Variants in TENM4 observed in about 807,000 individuals in gnomAD.
TENM4 encodes teneurin-4.
Under a neutral mutation model 243.3 loss-of-function variants are expected in TENM4, and 82 were observed. The ratio of observed to expected loss-of-function variants is 0.34; its 90% CI spans 0.28 to 0.40. The LOEUF is 0.40. Among genes scored for constraint, TENM4 ranks in the 10% least tolerant of loss-of-function variants. The pLI is 1.00. For synonymous variants in TENM4, 1,412 were observed against 1,456.3 expected (o/e 0.97, Z 0.69); for missense variants, 3,138 against 3,673.3 (o/e 0.85, Z 3.77).
chr11:78,874,541 C>T (rs368701668), intron 9 of TENM4, among the ~76,000 whole-genome samples: 3 of 152,256 alleles, frequency 2.0e-5, no homozygotes, highest in South Asian at 4.1e-4. Context: ...TACTGCACTA[C>T]AGAAAAGTCA....
intron 18 of TENM4, among the ~76,000 whole-genome samples, chr11:78,763,738 T>A (rs1055507945): frequency 6.6e-6 from 1 of 152,230 alleles, no homozygotes; most frequent in African/African-American, 2.4e-5. Context: ...ACACCCTTCC[T>A]ATGCCCGAGA....
At chr11:79,003,969 C>T (rs1016079712) in intron 6 of TENM4, among the ~76,000 whole-genome samples, 1 of 146,938 alleles carries the variant, frequency 6.8e-6, no homozygotes, top group African/African-American at 2.5e-5. Flanking sequence ...AACAGAAAAA[C>T]ACAGGGGTTG....
intron 14 of TENM4, among the ~76,000 whole-genome samples, chr11:78,810,754 A>G (rs78360143): frequency 0.012 from 1,816 of 152,206 alleles, 33 homozygotes; most frequent in African/African-American, 0.04. Context: ...GGGCCTGTTA[A>G]TGTTCTGTTT....
Position 78,673,293 on chromosome 11 carries a change from T to C in TENM4, c.5497-964A>G, listed in dbSNP as rs560914157. Reference sequence around the variant, plus strand: ...GTAGGCATTGGTGGCCCCTGAAATATTGCCAGGTATTCTGGAACTAAAATA... The same window carrying C: ...GTAGGCATTGGTGGCCCCTGAAATACTGCCAGGTATTCTGGAACTAAAATA... On this transcript the variant is annotated intron_variant, in intron 30 of 33. Transcript: ENST00000278550. 2.6e-5 allele frequency among the ~76,000 whole-genome samples: 4 copies of C among 152,320 alleles called. No individual in the cohort carries two copies. The East Asian group carries it at 7.7e-4, about 29-fold the overall frequency.
intron 30 of TENM4, among the ~76,000 whole-genome samples, chr11:78,674,084 G>A (rs1858404329): frequency 6.6e-6 from 1 of 152,194 alleles, no homozygotes; most frequent in Non-Finnish European, 1.5e-5. Flanking sequence ...CCTCAGGGTG[G>A]TGCCACCCAG....
intron 6 of TENM4, among the ~76,000 whole-genome samples, chr11:79,000,862 C>A (rs1166495681): frequency 6.6e-6 from 1 of 152,140 alleles, no homozygotes; most frequent in African/African-American, 2.4e-5. Context: ...AAAACCTTGT[C>A]TCTACTAAAA....
intron 1 of TENM4, among the ~76,000 whole-genome samples, chr11:79,372,691 G>A (rs1197022452): frequency 6.6e-6 from 1 of 152,200 alleles, no homozygotes; most frequent in East Asian, 1.9e-4. Flanking sequence ...TGTGAAATGG[G>A]AGGGGAGGGG....
intron 3 of TENM4, among the ~76,000 whole-genome samples, chr11:79,212,430 CT>C (rs1423258333): frequency 6.6e-6 from 1 of 152,166 alleles, no homozygotes; most frequent in African/African-American, 2.4e-5. Flanking sequence ...CTCCTCTTCC[CT>C]TTTTTGTCCC....
intron 2 of TENM4, among the ~76,000 whole-genome samples, chr11:79,237,933 T>A (rs1379247082): frequency 6.6e-6 from 1 of 152,112 alleles, no homozygotes; most frequent in Non-Finnish European, 1.5e-5. Context: ...CCTGTCCAGA[T>A]GTACAAAGAG....
chr11:79,411,861 A>G (rs1858707951), intron 1 of TENM4, among the ~76,000 whole-genome samples: 1 of 152,200 alleles, frequency 6.6e-6, no homozygotes, highest in African/African-American at 2.4e-5. Context: ...AGCTCTGTCA[A>G]TGTGTGAAGA....
At position 78,766,813 on chromosome 11, in the gene TENM4, G is replaced by A. The variant is rs1340924849; in HGVS notation, c.2539+4179C>T. On this transcript the variant is annotated intron_variant, in intron 18 of 33. Coordinates refer to ENST00000278550, the MANE Select transcript of TENM4 (RefSeq NM_001098816.3). ...CGCCTCCCAAATTAAAGTGATTCTCGTGCCTCAGCCTCCTAGGTAGCTGGG... is the reference window on the plus strand; with the variant it reads ...CGCCTCCCAAATTAAAGTGATTCTCATGCCTCAGCCTCCTAGGTAGCTGGG... 4.7e-5 allele frequency among the ~76,000 whole-genome samples: 7 copies of A among 149,586 alleles called. No homozygotes were observed. The South Asian group carries it at 6.3e-4, about 13-fold the overall frequency.
At chr11:79,141,727 G>A (rs758303333) in intron 4 of TENM4, among the ~76,000 whole-genome samples, 10 of 151,832 alleles carry the variant, frequency 6.6e-5, no homozygotes, top group Non-Finnish European at 1.3e-4. Context: ...AGGCCAATAT[G>A]ATTGATGAAC....
rs544676038 is a variant in TENM4 at position 79,310,650 on chromosome 11, C to G, written c.-320-13107G>C. Among the ~76,000 whole-genome samples, 240 of 152,252 alleles carry G rather than the reference C, an allele frequency of 1.6e-3. 1 individual carries two copies. Among genetic ancestry groups the G allele is most frequent in the South Asian group, 1.9e-3 (9 of 4,808 alleles). ...TTGCCCTGTAGTTAACAACGGGCAGCTTTCATCCTGCCTGTTCTAGACCAT... is the reference window on the plus strand; with the variant it reads ...TTGCCCTGTAGTTAACAACGGGCAGGTTTCATCCTGCCTGTTCTAGACCAT... On this transcript the variant is annotated intron_variant, in intron 1 of 33. Transcript: ENST00000278550.
intron 3 of TENM4, among the ~76,000 whole-genome samples, chr11:79,172,797 C>T (rs1454318742): frequency 6.6e-6 from 1 of 151,930 alleles, no homozygotes; most frequent in African/African-American, 2.4e-5. Flanking sequence ...CACCACCACG[C>T]CCAGCTAAAT....
chr11:79,338,864 C>G (rs73512774), intron 1 of TENM4, among the ~76,000 whole-genome samples: 1 of 152,166 alleles, frequency 6.6e-6, no homozygotes, highest in East Asian at 1.9e-4. Context: ...TGCCATCCAG[C>G]TGAGAGTAAT....
At chr11:79,326,562 G>T (rs1856979040) in intron 1 of TENM4, among the ~76,000 whole-genome samples, 1 of 152,124 alleles carries the variant, frequency 6.6e-6, no homozygotes, top group African/African-American at 2.4e-5. Flanking sequence ...TCACTTTCTT[G>T]TATCCTTCCA....
chr11:78,666,840 T>C (rs1359257840), intron 32 of TENM4, among the ~76,000 whole-genome samples: 1 of 152,190 alleles, frequency 6.6e-6, no homozygotes, highest in Admixed American at 6.5e-5. Flanking sequence ...AAGTGCCAGA[T>C]AGCATAGAGA....
At chr11:78,855,588 T>C (rs118039412) in intron 11 of TENM4, among the ~76,000 whole-genome samples, 2,291 of 152,344 alleles carry the variant, frequency 0.015, 27 homozygotes, top group Middle Eastern at 0.034. Flanking sequence ...TGAGGAAACT[T>C]GCTCTGAGAA....
At chr11:79,207,444 G>A (rs1301930208) in intron 3 of TENM4, among the ~76,000 whole-genome samples, 1 of 152,158 alleles carries the variant, frequency 6.6e-6, no homozygotes, top group African/African-American at 2.4e-5. Flanking sequence ...TACACATAAA[G>A]TTCCAGAAGC....
Sources: allele counts gnomAD v4.1 joint callset (sites outside exome capture counted in the v4.1 genomes callset), GRCh38; gene constraint gnomAD v4.1.1; transcripts MANE v1.5; gene names NCBI Gene and HGNC (gene_info 2026-07-23, HGNC 2026-07-21).